Variants in ITPR3 observed in about 807,000 individuals in gnomAD.
The protein encoded by ITPR3 is inositol 1,4,5-trisphosphate-gated calcium channel ITPR3.
In ITPR3, 173 loss-of-function variants were observed where a neutral mutation model predicts 293.2. The ratio of observed to expected loss-of-function variants is 0.59; its 90% confidence interval spans 0.52 to 0.67. ITPR3 has a LOEUF of 0.67. ITPR3 is among the 30% of genes least tolerant of loss of function. The pLI is 0.00. For synonymous variants in ITPR3, 1,295 were observed against 1,444.4 expected, an observed-to-expected ratio of 0.90 and a Z score of 2.35; for missense variants, 2,796 against 3,592.1, an observed-to-expected ratio of 0.78 and a Z score of 5.66.
Position 33,692,590 on chromosome 6 carries a change from C to G in ITPR3, c.7459-138C>G. 2 of 774,936 alleles carry G rather than the reference C, an allele frequency of 2.6e-6. No homozygotes were observed. The highest frequency in any genetic ancestry group is 1.8e-5 in the South Asian group (1 of 55,018). 48.0% of individuals were successfully genotyped at this position (774,936 alleles called of 1,614,324 possible). ...GGGTCCACTCTGCCATCTGATGGCC[C>G]CCAGGCCAGAGGCCCTCATTTCCTT... On this transcript the variant is annotated intron_variant, in intron 54 of 57. Transcript: ENST00000605930. This position sits in a 1 kb window ranked among gnomAD's most constrained non-coding sequence, Gnocchi z 4.2.
chr6:33,626,388 A>AGTG (rs1763550624), intron 1 of ITPR3, among the ~76,000 whole-genome samples: 1 of 152,122 alleles, frequency 6.6e-6, no homozygotes, highest in Non-Finnish European at 1.5e-5. Flanking sequence ...CAACTGAATC[A>AGTG]CCATCTCTAG....
chr6:33,685,414 T>A lies in ITPR3; in HGVS notation c.5363T>A (p.Val1788Glu). The change falls in exon 40 of 58, where the codon GTG becomes GAG. Residue 1788 changes from valine (V) to glutamate (E), a missense_variant. This residue lies in a region of ITPR3 where 704 missense variants were observed against 797.5 expected (regional missense o/e 0.88). Transcript: ENST00000605930. Reference sequence around the variant, plus strand: ...AAGAAGTCAGAGCGCTTCTTCAAGGTGCTGCACGACCGCATGAAGCGGGCC... The same window carrying A: ...AAGAAGTCAGAGCGCTTCTTCAAGGAGCTGCACGACCGCATGAAGCGGGCC... Reference protein sequence around the residue: ...SDKKSERFFKVLHDRMKRAQQ... With the variant: ...SDKKSERFFKELHDRMKRAQQ... 1 of 1,614,122 alleles carries A rather than the reference T, an allele frequency of 6.2e-7. No homozygotes were observed. Among genetic ancestry groups the A allele is most frequent in the Admixed American group, 1.7e-5 (1 of 60,016 alleles).
Position 33,659,614 on chromosome 6 carries a change from C to T in ITPR3, c.711+65C>T, listed in dbSNP as rs376774381. The T allele has an allele frequency of 1.5e-3, 2,051 of 1,361,480 alleles. 14 individuals are homozygous for T. The highest frequency in any genetic ancestry group is 1.0e-2 in the Middle Eastern group (48 of 4,818). 84.3% of individuals were successfully genotyped at this position (1,361,480 alleles called of 1,614,324 possible). The stretch of plus-strand genomic sequence containing the variant: ...TAGCCCTCCCCACCAGGGCCCTCTT[C>T]CTGCCTTCTCCACCCGCCAGGCCTC... On this transcript the variant is annotated intron_variant, in intron 7 of 57. Coordinates refer to ENST00000605930, the MANE Select transcript of ITPR3 (RefSeq NM_002224.4).
At position 33,676,933 on chromosome 6, in the gene ITPR3, GT is replaced by G; in HGVS notation, c.3447+2del. On this transcript the variant is annotated splice_donor_variant, in intron 26 of 57. Coordinates refer to ENST00000605930, the MANE Select transcript of ITPR3 (RefSeq NM_002224.4). LOFTEE classifies it high-confidence loss of function. ...AGGCGCCGCCAAGGACAAGAAAGAG[GT>G]AAGTGGGGCTCCAGGGGGCCAGGGC... 6.2e-7 allele frequency: 1 copy of G among 1,614,136 alleles called. No homozygotes were observed. The highest frequency in any genetic ancestry group is 8.5e-7 in the Non-Finnish European group (1 of 1,179,978).
At position 33,685,805 on chromosome 6, in the gene ITPR3, A is replaced by G; in HGVS notation, c.5645A>G (p.Glu1882Gly). Residue 1882 changes from glutamate to glycine, a missense_variant, in exon 41 of 58, where the codon GAG becomes GGG. Around this residue, in one of 8 missense-constraint regions of ITPR3, gnomAD observed 704 missense variants for 797.5 expected, o/e 0.88. Coordinates refer to ENST00000605930, the MANE Select transcript of ITPR3 (RefSeq NM_002224.4). Reference protein sequence around the residue: ...PILRFLQLLCENHNRDLQNFL... With the variant: ...PILRFLQLLCGNHNRDLQNFL... Reference sequence around the variant, plus strand: ...CTGCGCTTTCTGCAGCTGCTGTGTGAGAACCACAACCGGGACCTGCAGGTG... The same window carrying G: ...CTGCGCTTTCTGCAGCTGCTGTGTGGGAACCACAACCGGGACCTGCAGGTG... The G allele has an allele frequency of 6.3e-7, 1 of 1,577,196 alleles. No homozygotes were observed. The highest frequency in any genetic ancestry group is 8.6e-7 in the Non-Finnish European group (1 of 1,158,800).
chr6:33,651,619 G>C (rs1026908487), intron 2 of ITPR3, among the ~76,000 whole-genome samples: 1 of 152,186 alleles, frequency 6.6e-6, no homozygotes, highest in Non-Finnish European at 1.5e-5. Flanking sequence ...CATGCTTCCG[G>C]GAATCAGGAA....
intron 7 of ITPR3, among the ~76,000 whole-genome samples, chr6:33,660,345 C>G (rs1259325523): frequency 6.6e-6 from 1 of 151,998 alleles, no homozygotes; most frequent in Admixed American, 6.5e-5. Flanking sequence ...GTCTTAGGTG[C>G]TCCTCCCTGC....
intron 2 of ITPR3, among the ~76,000 whole-genome samples, chr6:33,641,980 A>G (rs578095771): frequency 2.6e-4 from 40 of 152,170 alleles, no homozygotes; most frequent in African/African-American, 9.6e-4. Flanking sequence ...TTTCTGCCCC[A>G]CTAGAATGTC....
In ITPR3 at chr6:33,686,272, A is replaced by G. The variant is rs1410505124; in HGVS notation, c.5868+19A>G. 3 of 1,610,592 alleles carry G rather than the reference A, an allele frequency of 1.9e-6. No homozygotes were observed. Among genetic ancestry groups the G allele is most frequent in the Admixed American group, 3.3e-5 (2 of 59,780 alleles). On this transcript the variant is annotated intron_variant, in intron 42 of 57. Coordinates refer to ENST00000605930, the MANE Select transcript of ITPR3 (RefSeq NM_002224.4). ...GAACCAGGTGAGCTGTCCTGGTGGC[A>G]TAAGTGGCAGCCAGGGTGGCAGTGT...
chr6:33,649,984 G>C (rs1003484033), intron 2 of ITPR3, among the ~76,000 whole-genome samples: 5 of 152,174 alleles, frequency 3.3e-5, no homozygotes, highest in Non-Finnish European at 7.4e-5. Context: ...TAAATGAATA[G>C]CCTCTTGCCT....
intron 2 of ITPR3, among the ~76,000 whole-genome samples, chr6:33,650,866 T>G (rs1764170582): frequency 6.6e-6 from 1 of 152,028 alleles, no homozygotes; most frequent in Non-Finnish European, 1.5e-5. Context: ...GCGTCTGAAG[T>G]CTCTGCCTGT....
In ITPR3 at chr6:33,659,026, C is replaced by T. The variant is rs375290619; in HGVS notation, c.534C>T (p.Val178=). 207 of 1,613,842 alleles carry T rather than the reference C, an allele frequency of 1.3e-4. 1 individual carries two copies. In the Middle Eastern group the frequency reaches 2.0e-3, roughly 15 times the overall value. Reference sequence around the variant, plus strand: ...TGTCCCACCTGTCTGCTCAGGTGGTCGTGGGGGACAAGGTGATCCTGAATC... The same window carrying T: ...TGTCCCACCTGTCTGCTCAGGTGGTTGTGGGGGACAAGGTGATCCTGAATC... ...WKLRSNGDNV[V]VGDKVILNPV... Residue 178 remains valine, a synonymous_variant, in exon 6 of 58, where the codon GTC becomes GTT. Coordinates refer to ENST00000605930, the MANE Select transcript of ITPR3 (RefSeq NM_002224.4).
chr6:33,676,534 T>C (rs891898044), intron 25 of ITPR3, among the ~76,000 whole-genome samples: 4 of 152,184 alleles, frequency 2.6e-5, no homozygotes, highest in Non-Finnish European at 5.9e-5. Flanking sequence ...GAAGCCAGGT[T>C]ATGTGGCAGC....
intron 27 of ITPR3, among the ~76,000 whole-genome samples, 183 bp downstream of exon 27, chr6:33,677,272 C>G (rs1337401641): frequency 1.3e-5 from 2 of 152,208 alleles, no homozygotes; most frequent in South Asian, 4.1e-4. Flanking sequence ...ATTTTAAAGC[C>G]GAAGGAATTC....
chr6:33,691,625 G>C lies in ITPR3; in HGVS notation c.7236G>C (p.Leu2412=), dbSNP rs762779797. 3.1e-6 allele frequency: 5 copies of C among 1,613,978 alleles called. No homozygotes were observed. Among genetic ancestry groups the C allele is most frequent in the Admixed American group, 1.7e-5 (1 of 60,016 alleles). The change falls in exon 53 of 58, where the codon CTG becomes CTC. Residue 2412 remains leucine (L), a synonymous_variant. Transcript: ENST00000605930. This position sits in a 1 kb window ranked among gnomAD's most constrained non-coding sequence, Gnocchi z 4.9. ...CCATATCCCCTCCAGCCAGCCCCCT[G>C]GGGATGCCACATGGAGCTGCTGCAT... ...LPNNHSTASP[L]GMPHGAAAFV...
rs147513071 is a variant in ITPR3 at position 33,677,081 on chromosome 6, G to T, written c.3514G>T (p.Val1172Phe). Residue 1172 changes from valine (V) to phenylalanine (F), a missense_variant, in exon 27 of 58, where the codon GTC becomes TTC. Around this residue, in one of 8 missense-constraint regions of ITPR3, gnomAD observed 344 missense variants for 460.3 expected, o/e 0.75. Coordinates refer to ENST00000605930, the MANE Select transcript of ITPR3 (RefSeq NM_002224.4). ...GAAAAGCAGTGAGAACTACCAGATC[G>T]TCAAGGGCGTGAGTGGCCAAGGGTC... ...GEKSSENYQI[V>F]KGILERLNKM... The T allele has an allele frequency of 1.9e-6, 3 of 1,613,952 alleles. No homozygotes were observed. The highest frequency in any genetic ancestry group is 4.5e-5 in the East Asian group (2 of 44,890).
At chr6:33,659,434 C>T in intron 6 of ITPR3, 32 bp from the exon 7 acceptor site, 1 of 1,601,446 alleles carries the variant, frequency 6.2e-7, no homozygotes, top group South Asian at 1.1e-5. Flanking sequence ...TGGGGTCCAC[C>T]TGGCGTCACG....
At chr6:33,686,388 T>TC (rs746002874) in intron 42 of ITPR3, 21 bp from the exon 43 acceptor site, 12 of 1,605,386 alleles carry the variant, frequency 7.5e-6, no homozygotes, top group South Asian at 2.2e-5. Flanking sequence ...GGGCCCTGTG[T>TC]CCCCCACTGC....
chr6:33,643,919 G>A (rs776832621), intron 2 of ITPR3, among the ~76,000 whole-genome samples: 3 of 152,212 alleles, frequency 2.0e-5, no homozygotes, highest in African/African-American at 2.4e-5. Flanking sequence ...AGGGCTGGGC[G>A]CGGTGGCTCA....
Sources: gnomAD v4.1 joint callset for allele counts (sites outside exome capture counted in the v4.1 genomes callset) on GRCh38, gnomAD v4.1.1 for gene constraint, gnomAD v4.1.1 regional missense constraint, Gnocchi (gnomAD v3.1) non-coding constraint, MANE v1.5 for transcripts, NCBI Gene and HGNC (gene_info 2026-07-23, HGNC 2026-07-21) for gene names.